Variants in CLDN18 observed in about 807,000 individuals in gnomAD.
CLDN18 encodes the protein claudin 18, also known as claudin-18.
A neutral mutation model predicts 25.0 loss-of-function variants in CLDN18; 20 were observed. The ratio of observed to expected loss-of-function variants is 0.80; its 90% CI spans 0.56 to 1.16. CLDN18 has a LOEUF of 1.16. CLDN18 is among the 50% of genes most tolerant of loss of function. CLDN18 has a pLI of 0.00. For missense variants in CLDN18, 297 were observed against 345.4 expected (o/e 0.86, Z 1.11); for synonymous variants, 125 against 135.6 (o/e 0.92, Z 0.54).
intron 1 of CLDN18, among the ~76,000 whole-genome samples, chr3:138,023,405 C>G (rs183733438): frequency 6.6e-6 from 1 of 152,320 alleles, no homozygotes; most frequent in Non-Finnish European, 1.5e-5. Context: ...TCCAACCATC[C>G]ATAATTCTCT....
At chr3:138,002,234 T>C (rs982679645) in intron 1 of CLDN18, among the ~76,000 whole-genome samples, 5 of 152,174 alleles carry the variant, frequency 3.3e-5, no homozygotes, top group Non-Finnish European at 7.4e-5. Context: ...TAAGGAAAGA[T>C]TGTATTGTGG....
At chr3:138,000,950 C>A (rs909887163) in intron 1 of CLDN18, among the ~76,000 whole-genome samples, 4 of 152,232 alleles carry the variant, frequency 2.6e-5, no homozygotes, top group Admixed American at 2.6e-4. Flanking sequence ...ACACACAGCA[C>A]CTGCAGTGAT....
In CLDN18 at chr3:138,001,211, G is replaced by C. The variant is rs143936179; in HGVS notation, c.220+2123G>C. The stretch of plus-strand genomic sequence containing the variant: ...TAAGCCCTGGCTTGCAGCCCTAATA[G>C]GGAGCCCTAAACACAAAGCAGAAAT... On this transcript the variant is annotated intron_variant, in intron 1 of 4. Transcript: ENST00000343735. Among the ~76,000 whole-genome samples, 311 of 152,312 alleles carry C rather than the reference G, an allele frequency of 2.0e-3. 2 individuals carry two copies. The highest frequency in any genetic ancestry group is 6.7e-3 in the African/African-American group (280 of 41,582).
At chr3:138,020,600 C>T (rs956205284) in intron 1 of CLDN18, among the ~76,000 whole-genome samples, 1 of 152,176 alleles carries the variant, frequency 6.6e-6, no homozygotes, top group Non-Finnish European at 1.5e-5. Flanking sequence ...GGCAGCTCCA[C>T]TGATGTTAGC....
At chr3:138,012,009 C>T (rs537752904) in intron 1 of CLDN18, among the ~76,000 whole-genome samples, 3 of 152,224 alleles carry the variant, frequency 2.0e-5, no homozygotes, top group Non-Finnish European at 4.4e-5. Flanking sequence ...TCAACCTCCC[C>T]AGCAGGGCTC....
At chr3:138,008,560 G>A (rs1186736421), upstream of CLDN18, among the ~76,000 whole-genome samples, 4 of 151,682 alleles carry the variant, frequency 2.6e-5, no homozygotes, top group East Asian at 1.9e-4. Flanking sequence ...CCAAGATTGC[G>A]CCACTGCACT....
chr3:138,031,269 T>C lies in CLDN18; in HGVS notation c.*128T>C. ...GGAAGTTAGAAAAGCCTCGATTTCATCTTTGGAGAGGCCAAATGGTCTTAG... is the reference window on the plus strand; with the variant it reads ...GGAAGTTAGAAAAGCCTCGATTTCACCTTTGGAGAGGCCAAATGGTCTTAG... On this transcript the variant is annotated 3_prime_UTR_variant, in exon 5 of 5. Transcript: ENST00000183605. The C allele has an allele frequency of 1.2e-6, 1 of 815,592 alleles. No individual in the cohort carries two copies. The highest frequency in any genetic ancestry group is 2.3e-5 in the South Asian group (1 of 43,288). 50.5% of individuals were successfully genotyped at this position (815,592 alleles called of 1,614,324 possible). A position where few individuals can be genotyped will look rare whatever the true frequency, so the allele number is the denominator to read the frequency against.
chr3:138,006,968 A>G (rs577700716), upstream of CLDN18, among the ~76,000 whole-genome samples: 11 of 152,308 alleles, frequency 7.2e-5, no homozygotes, highest in East Asian at 1.9e-3. Flanking sequence ...AAACATTTGC[A>G]TAGGGAAACT....
At chr3:138,022,259 C>A (rs1942279875) in intron 1 of CLDN18, among the ~76,000 whole-genome samples, 1 of 152,108 alleles carries the variant, frequency 6.6e-6, no homozygotes, top group African/African-American at 2.4e-5. Context: ...CTCAGATGCC[C>A]ATGCTGGATT....
chr3:138,025,330 G>C (rs1040758126), intron 3 of CLDN18, among the ~76,000 whole-genome samples: 3 of 152,314 alleles, frequency 2.0e-5, no homozygotes, highest in African/African-American at 7.2e-5. Context: ...GTCTGAAGGA[G>C]AGTAGAACTT....
chr3:138,011,858 G>A (rs915111476), intron 1 of CLDN18, among the ~76,000 whole-genome samples: 8 of 152,068 alleles, frequency 5.3e-5, no homozygotes, highest in African/African-American at 1.4e-4. Context: ...ACCCCATTGC[G>A]TCCACTGTGA....
intron 1 of CLDN18, among the ~76,000 whole-genome samples, chr3:138,004,124 A>G (rs1942044477): frequency 1.3e-5 from 2 of 152,220 alleles, no homozygotes. Context: ...CAGTGGGCCA[A>G]GATTGCACCA....
intron 1 of CLDN18, among the ~76,000 whole-genome samples, chr3:138,001,290 C>A (rs1025721565): frequency 1.1e-4 from 17 of 152,162 alleles, no homozygotes; most frequent in Non-Finnish European, 2.1e-4. Context: ...CTGTCCTCAT[C>A]TCTTGCCTAA....
Position 138,004,045 on chromosome 3 carries a change from ACG to A in CLDN18, c.220+4959_220+4960del, listed in dbSNP as rs1169076296. Among the ~76,000 whole-genome samples, 4 of 152,026 alleles carry A rather than the reference ACG, an allele frequency of 2.6e-5. No homozygotes were observed. The East Asian group carries it at 7.8e-4, about 29-fold the overall frequency. On this transcript the variant is annotated intron_variant, in intron 1 of 4. Coordinates refer to the CLDN18 transcript ENST00000343735. ...AAAAATTAGCCAGGTGTGGTGGTGC[ACG>A]CCTGTAGTCCCAGCTACTCAGGAGG...
intron 3 of CLDN18, among the ~76,000 whole-genome samples, chr3:138,025,213 C>T (rs778473797): frequency 3.3e-5 from 5 of 152,200 alleles, no homozygotes; most frequent in Non-Finnish European, 7.3e-5. Context: ...ATGTATTGAT[C>T]ACCTGCTGTA....
intron 1 of CLDN18, among the ~76,000 whole-genome samples, chr3:137,999,415 C>T (rs1429218973): frequency 6.6e-6 from 1 of 152,194 alleles, no homozygotes; most frequent in African/African-American, 2.4e-5. Context: ...GCCCAGACTT[C>T]GGCCACTTTG....
chr3:138,023,967 G>A (rs1942297338), intron 2 of CLDN18, 145 bp downstream of exon 2: 3 of 819,142 alleles, frequency 3.7e-6, no homozygotes, highest in South Asian at 1.8e-5. Context: ...AGGTCCAATT[G>A]TGTATCATGA....
Position 138,018,493 on chromosome 3 carries a change from C to T in CLDN18, c.221-5165C>T, listed in dbSNP as rs556591130. ...CTGGGACTACAGGCGCCCGCCACTA[C>T]GCCCGGCTAATTTTTTGTATTTTTA... On this transcript the variant is annotated intron_variant, in intron 1 of 4. Transcript: ENST00000183605. 4.7e-4 allele frequency among the ~76,000 whole-genome samples: 72 copies of T among 152,000 alleles called. No homozygotes were observed. The South Asian group carries it at 0.013, about 26-fold the overall frequency.
At chr3:138,007,759 T>C (rs963063367), upstream of CLDN18, among the ~76,000 whole-genome samples, 4 of 152,242 alleles carry the variant, frequency 2.6e-5, no homozygotes, top group African/African-American at 4.8e-5. Context: ...ACTCTGTCTA[T>C]GGAAACAGTG....
Sources: gnomAD v4.1 joint callset for allele counts (sites outside exome capture counted in the v4.1 genomes callset) on GRCh38, gnomAD v4.1.1 for gene constraint, MANE v1.5 for transcripts, NCBI Gene and HGNC (gene_info 2026-07-23, HGNC 2026-07-21) for gene names.